KLC4: variants seen among roughly 807,000 people sequenced by gnomAD.
KLC4 encodes kinesin light chain 4.
A neutral mutation model predicts 77.2 loss-of-function variants in KLC4; 49 were observed. That is an observed-to-expected ratio of 0.63 (90% confidence interval 0.50 to 0.80). KLC4 has a LOEUF of 0.80. KLC4 is among the 30% of genes least tolerant of loss of function. The pLI is 0.00. For missense variants in KLC4, 669 were observed against 793.5 expected, an observed-to-expected ratio of 0.84 and a Z score of 1.89; for synonymous variants, 274 against 314.5, an observed-to-expected ratio of 0.87 and a Z score of 1.36.
At position 43,074,633 on chromosome 6, in the gene KLC4, C is replaced by T. The variant is rs1208512878; in HGVS notation, c.1821C>T (p.Gly607=). 10 of 1,614,140 alleles carry T rather than the reference C, an allele frequency of 6.2e-6. No homozygotes were observed. Among genetic ancestry groups the T allele is most frequent in the Non-Finnish European group, 8.5e-6 (10 of 1,179,976 alleles). ...GTTGTCTGTTTCAGGTCTCCCGGGG[C>T]CTCAGTGCCAGCACCATGGACCTCT... is the stretch of plus-strand genomic sequence containing the variant. The part of the protein sequence containing the change: ...PSAAPLQVSR[G]LSASTMDLSS... The change falls in exon 16 of 16, where the codon GGC becomes GGT. Residue 607 remains glycine (G), a synonymous_variant. Coordinates refer to ENST00000347162, the MANE Select transcript of KLC4 (RefSeq NM_201521.3).
At chr6:43,068,570 G>T (rs1221001847) in intron 6 of KLC4, among the ~76,000 whole-genome samples, 1 of 151,832 alleles carries the variant, frequency 6.6e-6, no homozygotes, top group Non-Finnish European at 1.5e-5. Context: ...CACTTTGGGA[G>T]GCCAAGGCAG....
At chr6:43,067,107 C>T in intron 6 of KLC4, 24 bp downstream of exon 6, 1 of 1,610,164 alleles carries the variant, frequency 6.2e-7, no homozygotes, top group Non-Finnish European at 8.5e-7. Flanking sequence ...GCCCTCCCCA[C>T]CCCACGCCCC....
At position 43,070,681 on chromosome 6, in the gene KLC4, T is replaced by C. The variant is rs1405892245; in HGVS notation, c.982-11T>C. 4.4e-6 allele frequency: 7 copies of C among 1,608,250 alleles called. No individual in the cohort carries two copies. The highest frequency in any genetic ancestry group is 6.0e-6 in the Non-Finnish European group (7 of 1,175,138). ...TCATAGCCATTTATCCACTCCTTTG[T>C]TCCCTTTCAGGTCCTGGGCACGAAT... On this transcript the variant is annotated splice_polypyrimidine_tract_variant and intron_variant, in intron 7 of 15. Coordinates refer to ENST00000347162, the MANE Select transcript of KLC4 (RefSeq NM_201521.3).
At chr6:43,061,201 G>C (rs1359170847) in intron 1 of KLC4, 110 bp from the exon 2 acceptor site, 3 of 1,142,178 alleles carry the variant, frequency 2.6e-6, no homozygotes, top group Non-Finnish European at 3.8e-6. Context: ...TAAGCCACAG[G>C]GTCACTCTTA....
In KLC4 at chr6:43,061,605, A is replaced by C; in HGVS notation, c.258+12A>C. ...TGAGTGAGGCCCAGGTGAGAGGGCA[A>C]AGGTGGTGCCAAGTGGTCCAGGGTG... On this transcript the variant is annotated intron_variant, in intron 2 of 15. Coordinates refer to ENST00000347162, the MANE Select transcript of KLC4 (RefSeq NM_201521.3). 1 of 1,603,090 alleles carries C rather than the reference A, an allele frequency of 6.2e-7. No individual in the cohort carries two copies. Among genetic ancestry groups the C allele is most frequent in the Admixed American group, 1.7e-5 (1 of 59,692 alleles).
intron 1 of KLC4, chr6:43,061,032 C>T: frequency 2.5e-6 from 1 of 406,466 alleles, no homozygotes; most frequent in South Asian, 3.8e-5. Context: ...TTGTTCTTTT[C>T]CTAAGTCCTA....
At chr6:43,066,563 C>A in intron 5 of KLC4, 38 bp downstream of exon 5, 3 of 1,553,094 alleles carry the variant, frequency 1.9e-6, no homozygotes, top group South Asian at 1.1e-5. Flanking sequence ...GATCTTCCCC[C>A]ACATTCCCAC....
intron 6 of KLC4, among the ~76,000 whole-genome samples, chr6:43,068,766 G>A (rs1047160345): frequency 3.9e-5 from 6 of 152,220 alleles, no homozygotes; most frequent in Middle Eastern, 3.4e-3. Flanking sequence ...AGCCGAGATC[G>A]CACCACTGCA....
chr6:43,074,040 G>A, intron 15 of KLC4, 75 bp downstream of exon 15: 2 of 1,137,902 alleles, frequency 1.8e-6, no homozygotes, highest in Non-Finnish European at 2.6e-6. Context: ...AGTGGAGTAA[G>A]GGAAGAGGGA....
chr6:43,072,353 G>T, intron 12 of KLC4, 98 bp downstream of exon 12: 1 of 885,828 alleles, frequency 1.1e-6, no homozygotes. Flanking sequence ...TAAGCGGAAA[G>T]GCTGATGAAG....
intron 11 of KLC4, 87 bp downstream of exon 11, chr6:43,072,009 C>T (rs1194668826): frequency 2.8e-6 from 4 of 1,438,088 alleles, no homozygotes; most frequent in Non-Finnish European, 3.9e-6. Context: ...TCCCTTCCTC[C>T]CGTAGACTTT....
chr6:43,059,901 C>T (rs1043011471), intron 1 of KLC4: 11 of 1,249,408 alleles, frequency 8.8e-6, no homozygotes, highest in South Asian at 1.9e-5. Context: ...ACTCAGTGAC[C>T]TCGGGGTCGT....
Position 43,072,245 on chromosome 6 carries a change from C to A in KLC4, c.1478C>A (p.Ser493Tyr). ...AETLEECALR[S>Y]RRQGTDPISQ... is the part of the protein sequence containing the mutation. Reference sequence around the variant, plus strand: ...ACCCTGGAGGAATGTGCCCTGCGGTCCCGGAGACAGGTCAGAAGCCCAGAG... The same window carrying A: ...ACCCTGGAGGAATGTGCCCTGCGGTACCGGAGACAGGTCAGAAGCCCAGAG... Residue 493 changes from serine to tyrosine, a missense_variant, in exon 12 of 16, where the codon TCC becomes TAC. Coordinates refer to ENST00000347162, the MANE Select transcript of KLC4 (RefSeq NM_201521.3). 1.2e-6 allele frequency: 2 copies of A among 1,613,544 alleles called. No homozygotes were observed. The highest frequency in any genetic ancestry group is 2.2e-5 in the South Asian group (2 of 91,016).
At chr6:43,073,800 G>C (rs920397749) in intron 14 of KLC4, 102 bp from the exon 15 acceptor site, 2 of 963,718 alleles carry the variant, frequency 2.1e-6, no homozygotes, top group Admixed American at 3.6e-5. Flanking sequence ...GAGAGTTTGG[G>C]TAGAATGGGT....
intron 6 of KLC4, among the ~76,000 whole-genome samples, chr6:43,068,765 C>G (rs1321362567): frequency 6.6e-6 from 1 of 152,104 alleles, no homozygotes; most frequent in Admixed American, 6.5e-5. Context: ...GAGCCGAGAT[C>G]GCACCACTGC....
chr6:43,073,819 G>A, intron 14 of KLC4, 83 bp from the exon 15 acceptor site: 1 of 1,180,394 alleles, frequency 8.5e-7, no homozygotes, highest in Non-Finnish European at 1.3e-6. Flanking sequence ...GTGCCCCAGT[G>A]TGGCAGTGCT....
chr6:43,066,662 T>A (rs189050569), intron 5 of KLC4, 137 bp downstream of exon 5: 2 of 723,186 alleles, frequency 2.8e-6, no homozygotes, highest in Non-Finnish European at 4.5e-6. Context: ...ACAGGGTGCT[T>A]CTTTATGTGC....
intron 5 of KLC4, 109 bp from the exon 6 acceptor site, chr6:43,066,887 C>G: frequency 1.3e-6 from 2 of 1,496,676 alleles, no homozygotes; most frequent in East Asian, 2.3e-5. Flanking sequence ...TTCCTGTCTC[C>G]TCATGGAGGT....
chr6:43,071,636 G>T lies in KLC4; in HGVS notation c.1308+17G>T, dbSNP rs1215918036. 6.2e-7 allele frequency: 1 copy of T among 1,612,766 alleles called. No individual in the cohort carries two copies. The highest frequency in any genetic ancestry group is 8.5e-7 in the Non-Finnish European group (1 of 1,179,388). On this transcript the variant is annotated intron_variant, in intron 10 of 15. Transcript: ENST00000347162. Reference sequence around the variant, plus strand: ...ATGAGCAAAGTGAGTGGGGGGAAGGGGGGCCAGCCTGGGGAGCTCAAGGCT... The same window carrying T: ...ATGAGCAAAGTGAGTGGGGGGAAGGTGGGCCAGCCTGGGGAGCTCAAGGCT...
Sources: allele counts gnomAD v4.1 joint callset (sites outside exome capture counted in the v4.1 genomes callset), GRCh38; gene constraint gnomAD v4.1.1; transcripts MANE v1.5; gene names NCBI Gene and HGNC (gene_info 2026-07-23, HGNC 2026-07-21).